The following ANKRD44 variants were observed in gnomAD, a reference collection of about 807,000 sequenced individuals.
ANKRD44 encodes serine/threonine-protein phosphatase 6 regulatory ankyrin repeat subunit B.
ANKRD44 carries 35 observed loss-of-function variants against 116.0 expected under a neutral mutation model. The ratio of observed to expected loss-of-function variants is 0.30; its 90% CI spans 0.23 to 0.40. The LOEUF is 0.40. ANKRD44 is among the 10% of genes least tolerant of loss of function. The pLI is 1.00. For synonymous variants in ANKRD44, 435 were observed against 461.8 expected (o/e 0.94, Z 0.74); for missense variants, 1,014 against 1,242.6 (o/e 0.82, Z 2.77).
At chr2:197,132,659 C>T (rs747555241) in intron 4 of ANKRD44, among the ~76,000 whole-genome samples, 5 of 152,120 alleles carry the variant, frequency 3.3e-5, no homozygotes, top group Admixed American at 1.3e-4. Context: ...AAACATGCTT[C>T]AACTCTGTTC....
chr2:197,024,662 A>T (rs181209331), intron 17 of ANKRD44, among the ~76,000 whole-genome samples: 44 of 152,318 alleles, frequency 2.9e-4, no homozygotes, highest in African/African-American at 1.1e-3. Context: ...GATCTCACCC[A>T]GTACAAGAAT....
rs140740345 is a variant in ANKRD44 at position 197,227,601 on chromosome 2, C to CAAAAA, written c.28-40500_28-40496dup. Among the ~76,000 whole-genome samples the CAAAAA allele has an allele frequency of 4.4e-3, 664 of 149,506 alleles. 3 individuals carry two copies. Among genetic ancestry groups the CAAAAA allele is most frequent in the African/African-American group, 0.015 (618 of 40,328 alleles). ...ATAACCCAAAAAGTGTTTGTTTTAC[C>CAAAAA]AAAAAAAACAAAAATCCTTTGGGGG... On this transcript the variant is annotated intron_variant, in intron 1 of 27. Transcript: ENST00000282272.
At chr2:197,123,622 C>A (rs565953826) in intron 6 of ANKRD44, among the ~76,000 whole-genome samples, 2 of 152,202 alleles carry the variant, frequency 1.3e-5, no homozygotes, top group East Asian at 3.9e-4. Context: ...CAGAGCGAGA[C>A]CTTGTCTCAA....
chr2:197,295,488 C>A (rs2083691351), intron 1 of ANKRD44, among the ~76,000 whole-genome samples: 1 of 152,088 alleles, frequency 6.6e-6, no homozygotes, highest in Admixed American at 6.5e-5. Flanking sequence ...TGATCCTTTT[C>A]AATCACTTAA....
intron 16 of ANKRD44, chr2:197,028,610 A>G (rs2076642824): frequency 6.4e-6 from 1 of 155,948 alleles, no homozygotes; most frequent in South Asian, 2.0e-4. Flanking sequence ...AGTTAGACGC[A>G]TGAACTTTTC....
intron 8 of ANKRD44, among the ~76,000 whole-genome samples, chr2:197,113,322 T>C (rs2078633140): frequency 6.6e-6 from 1 of 152,164 alleles, no homozygotes; most frequent in African/African-American, 2.4e-5. Context: ...AAACACCCCC[T>C]TCCAATTAAA....
chr2:197,079,838 G>C (rs554089449), intron 15 of ANKRD44, among the ~76,000 whole-genome samples: 1 of 151,950 alleles, frequency 6.6e-6, no homozygotes, highest in African/African-American at 2.4e-5. Flanking sequence ...TTGGTATAAG[G>C]CAAAACGAAA....
chr2:197,156,173 C>T (rs1047039977), intron 2 of ANKRD44, among the ~76,000 whole-genome samples: 1 of 152,076 alleles, frequency 6.6e-6, no homozygotes, highest in Non-Finnish European at 1.5e-5. Context: ...GGTGAAACCC[C>T]GTCTCTACCA....
At chr2:197,063,339 C>G (rs62279191) in intron 16 of ANKRD44, among the ~76,000 whole-genome samples, 19,176 of 152,084 alleles carry the variant, frequency 0.13, 1,424 homozygotes, top group Non-Finnish European at 0.17. Context: ...TAGATAAAAC[C>G]ACAAAGATGG....
At chr2:197,045,846 T>C (rs1400794196) in intron 16 of ANKRD44, among the ~76,000 whole-genome samples, 2 of 152,150 alleles carry the variant, frequency 1.3e-5, no homozygotes, top group Admixed American at 6.5e-5. Context: ...AAATTTGTTT[T>C]GATGCATAAA....
chr2:197,106,950 C>T (rs1204059414), intron 9 of ANKRD44, among the ~76,000 whole-genome samples: 1 of 151,936 alleles, frequency 6.6e-6, no homozygotes, highest in Non-Finnish European at 1.5e-5. Flanking sequence ...ACAAACCTTG[C>T]CATTTTCATT....
intron 2 of ANKRD44, among the ~76,000 whole-genome samples, chr2:197,152,208 A>G (rs2079670534): frequency 6.6e-6 from 1 of 152,224 alleles, no homozygotes; most frequent in Non-Finnish European, 1.5e-5. Flanking sequence ...ATTCATTTCC[A>G]TCTTTTGCCC....
chr2:197,267,236 T>C (rs2082765409), intron 1 of ANKRD44, among the ~76,000 whole-genome samples: 2 of 152,254 alleles, frequency 1.3e-5, no homozygotes, highest in South Asian at 4.1e-4. Flanking sequence ...GCACATTCTG[T>C]ATTTCAAGGA....
At chr2:197,110,894 T>A in intron 8 of ANKRD44, 50 bp from the exon 9 acceptor site, 1 of 1,349,446 alleles carries the variant, frequency 7.4e-7, no homozygotes, top group Non-Finnish European at 1.1e-6. Flanking sequence ...CATGAGCCAG[T>A]GACACCCATC....
At chr2:197,099,737 T>C (rs1472112143) in intron 10 of ANKRD44, 79 bp downstream of exon 10, 1 of 1,567,944 alleles carries the variant, frequency 6.4e-7, no homozygotes, top group East Asian at 2.3e-5. Flanking sequence ...AAATGGGAAC[T>C]ATCTACTGCA....
intron 13 of ANKRD44, among the ~76,000 whole-genome samples, chr2:197,085,367 G>A (rs2077895405): frequency 6.6e-6 from 1 of 152,172 alleles, no homozygotes; most frequent in South Asian, 2.1e-4. Context: ...TCAGAGACAT[G>A]TGAACCAGAG....
rs2076064929 is a variant in ANKRD44, at chr2:196,998,978, A to G, written c.2594T>C (p.Val865Ala). 6.2e-7 allele frequency: 1 copy of G among 1,614,218 alleles called. No individual in the cohort carries two copies. The highest frequency in any genetic ancestry group is 8.5e-7 in the Non-Finnish European group (1 of 1,180,032). ...TTTCCCTGAATTATCTACTGCGTTC[A>G]CTGGAGCACTGTGTCTCAGAAGAAG... Reference protein sequence around the residue: ...LQLLLRHSAPVNAVDNSGKTA... With the variant: ...LQLLLRHSAPANAVDNSGKTA... The change falls in exon 24 of 28, where the codon GTG becomes GCG. Residue 865 changes from valine (V) to alanine (A), a missense_variant. Coordinates refer to ENST00000282272, the MANE Select transcript of ANKRD44 (RefSeq NM_001195144.2).
intron 1 of ANKRD44, among the ~76,000 whole-genome samples, chr2:197,291,717 A>G (rs1412596353): frequency 6.6e-6 from 1 of 152,182 alleles, no homozygotes; most frequent in Non-Finnish European, 1.5e-5. Context: ...GTACATGTGC[A>G]CAATGTGCAG....
intron 8 of ANKRD44, among the ~76,000 whole-genome samples, chr2:197,118,607 GAGAAAGAA>G (rs796315814): frequency 8.3e-5 from 4 of 48,396 alleles, no homozygotes; most frequent in Non-Finnish European, 1.8e-4. Flanking sequence ...AAAAGAAAGA[GAGAAAGAA>G]AGAGAGAGAG....
Sources: gnomAD v4.1 joint callset for allele counts (sites outside exome capture counted in the v4.1 genomes callset) on GRCh38, gnomAD v4.1.1 for gene constraint, MANE v1.5 for transcripts, NCBI Gene and HGNC (gene_info 2026-07-23, HGNC 2026-07-21) for gene names.